Variants in MAPK4 observed in about 807,000 individuals in gnomAD.
The protein encoded by MAPK4 is Erk3-related.
MAPK4 carries 22 observed loss-of-function variants against 47.7 expected under a neutral mutation model. The ratio of observed to expected loss-of-function variants is 0.46; its 90% CI spans 0.33 to 0.66. The LOEUF is 0.66. Ranked by LOEUF, MAPK4 falls within the 30% of genes least tolerant of loss-of-function variation. MAPK4 has a pLI of 0.02. For missense variants in MAPK4, 736 were observed against 831.7 expected (o/e 0.88, Z 1.42); for synonymous variants, 390 against 365.7 (o/e 1.07, Z -0.76).
At chr18:50,576,857 T>A (rs1037871868) in intron 1 of MAPK4, among the ~76,000 whole-genome samples, 6 of 152,216 alleles carry the variant, frequency 3.9e-5, no homozygotes, top group Admixed American at 1.3e-4. Context: ...GTGGCACCAA[T>A]GCAAGTAGGC....
rs536124820 is a variant in MAPK4 at position 50,680,315 on chromosome 18, C to T, written c.546+15811C>T. Among the ~76,000 whole-genome samples, 5 of 152,080 alleles carry T rather than the reference C, an allele frequency of 3.3e-5. No homozygotes were observed. In the East Asian group the frequency reaches 9.7e-4, roughly 29 times the overall value. ...CCACATTGGCCAGGCTGGTCTTGAA[C>T]TCCTGACCTCAGGTACTCCGCCCAC... On this transcript the variant is annotated intron_variant, in intron 2 of 5. Coordinates refer to ENST00000400384, the MANE Select transcript of MAPK4 (RefSeq NM_002747.4).
At chr18:50,682,030 A>G (rs1189745550) in intron 2 of MAPK4, among the ~76,000 whole-genome samples, 2 of 152,238 alleles carry the variant, frequency 1.3e-5, no homozygotes, top group African/African-American at 4.8e-5. Context: ...GCAAACCCAT[A>G]GAGACAGAAA....
At chr18:50,604,048 T>A (rs1470791059) in intron 1 of MAPK4, among the ~76,000 whole-genome samples, 2 of 151,964 alleles carry the variant, frequency 1.3e-5, no homozygotes, top group Non-Finnish European at 2.9e-5. Context: ...CATCAAGGAG[T>A]GACTGCTGAT....
chr18:50,718,231 T>C (rs928920032), intron 3 of MAPK4, among the ~76,000 whole-genome samples: 2 of 152,160 alleles, frequency 1.3e-5, no homozygotes, highest in East Asian at 3.9e-4. Context: ...TTTATTGTGT[T>C]TTGTTTTTGA....
At chr18:50,568,573 T>C (rs1047877061) in intron 1 of MAPK4, among the ~76,000 whole-genome samples, 1 of 152,234 alleles carries the variant, frequency 6.6e-6, no homozygotes, top group Admixed American at 6.5e-5. Context: ...TAACATGGCC[T>C]GCCTCAGTTA....
Position 50,731,779 on chromosome 18 carries a change from AT to A in MAPK4, c.*1927del, listed in dbSNP as rs1254958271. ...GTTTTTAAAAAATTTATTAAACATT[AT>A]TAAACTTGATCAGGTCAGGCCAAAT... On this transcript the variant is annotated 3_prime_UTR_variant, in exon 6 of 6. Coordinates refer to ENST00000400384, the MANE Select transcript of MAPK4 (RefSeq NM_002747.4). 6.6e-6 allele frequency: 1 copy of A among 152,254 alleles called. No homozygotes were observed. Among genetic ancestry groups the A allele is most frequent in the African/African-American group, 2.4e-5 (1 of 41,468 alleles). The allele number at this position is 152,254 out of a possible 1,614,324, so 9.4% of individuals were successfully genotyped here. A position where few individuals can be genotyped will look rare whatever the true frequency, so the allele number is the denominator to read the frequency against.
chr18:50,660,870 C>A (rs144881535), intron 1 of MAPK4, among the ~76,000 whole-genome samples: 3 of 152,264 alleles, frequency 2.0e-5, no homozygotes, highest in Non-Finnish European at 1.5e-5. Flanking sequence ...ACGTTGACAT[C>A]GTACCTGGCC....
chr18:50,668,785 A>G (rs1907758826), intron 2 of MAPK4, among the ~76,000 whole-genome samples: 1 of 152,216 alleles, frequency 6.6e-6, no homozygotes, highest in Non-Finnish European at 1.5e-5. Context: ...CTTTTCACAG[A>G]TGACAAAACT....
chr18:50,561,478 A>G (rs138879703), intron 1 of MAPK4, among the ~76,000 whole-genome samples: 11 of 152,362 alleles, frequency 7.2e-5, no homozygotes, highest in African/African-American at 2.4e-4. Flanking sequence ...GACGTTCTCA[A>G]TGTAACAGAT....
intron 2 of MAPK4, chr18:50,670,189 A>AT (rs1365393415): frequency 6.7e-6 from 1 of 149,392 alleles, no homozygotes; most frequent in South Asian, 2.1e-4. Flanking sequence ...CTCATTGCCT[A>AT]TTTTTTCATA....
At chr18:50,650,898 C>T (rs2043041542) in intron 1 of MAPK4, among the ~76,000 whole-genome samples, 1 of 152,226 alleles carries the variant, frequency 6.6e-6, no homozygotes, top group African/African-American at 2.4e-5. Context: ...CCTTTGCTGG[C>T]TGGATCAGGT....
At chr18:50,623,345 G>C (rs1373451425) in intron 1 of MAPK4, among the ~76,000 whole-genome samples, 1 of 152,226 alleles carries the variant, frequency 6.6e-6, no homozygotes, top group African/African-American at 2.4e-5. Flanking sequence ...TTGTGCAGCA[G>C]TGTAGATTTT....
chr18:50,575,846 T>C (rs1359461448), intron 1 of MAPK4, among the ~76,000 whole-genome samples: 3 of 116,830 alleles, frequency 2.6e-5, no homozygotes, highest in Admixed American at 1.7e-4. Context: ...GATGAACAGA[T>C]ACTTTTCAAA....
chr18:50,578,275 C>T, intron 1 of MAPK4, among the ~76,000 whole-genome samples: 1 of 152,222 alleles, frequency 6.6e-6, no homozygotes, highest in Non-Finnish European at 1.5e-5. Context: ...GGAATCTGAG[C>T]CGCTTCTAAT....
chr18:50,662,310 T>G (rs978399715), intron 1 of MAPK4, among the ~76,000 whole-genome samples: 34 of 152,220 alleles, frequency 2.2e-4, no homozygotes, highest in African/African-American at 8.2e-4. Context: ...TGCAGGGTTT[T>G]TCCTCCCCAC....
chr18:50,585,004 A>C (rs551382494), intron 1 of MAPK4, among the ~76,000 whole-genome samples: 3 of 152,336 alleles, frequency 2.0e-5, no homozygotes, highest in African/African-American at 7.2e-5. Flanking sequence ...CTTGTCCATC[A>C]TTTGATTCTG....
intron 1 of MAPK4, among the ~76,000 whole-genome samples, chr18:50,566,905 G>A (rs954317639): frequency 6.6e-6 from 1 of 152,156 alleles, no homozygotes; most frequent in Non-Finnish European, 1.5e-5. Flanking sequence ...TGTATTTTTA[G>A]TGTGTTTTTC....
intron 1 of MAPK4, among the ~76,000 whole-genome samples, chr18:50,640,465 C>A (rs1005622269): frequency 6.0e-5 from 9 of 149,726 alleles, no homozygotes; most frequent in Non-Finnish European, 1.3e-4. Context: ...TCTTTCTTTT[C>A]TTTTCTTTTC....
chr18:50,722,239 T>C (rs1910975154), intron 4 of MAPK4, 140 bp downstream of exon 4: 3 of 962,018 alleles, frequency 3.1e-6, no homozygotes, highest in Non-Finnish European at 4.5e-6. Flanking sequence ...CCCCTGCCAG[T>C]GGGCCTTTGC....
Sources: allele counts gnomAD v4.1 joint callset (sites outside exome capture counted in the v4.1 genomes callset), GRCh38; gene constraint gnomAD v4.1.1; transcripts MANE v1.5; gene names NCBI Gene and HGNC (gene_info 2026-07-23, HGNC 2026-07-21).